CEP68: variants seen among roughly 807,000 people sequenced by gnomAD.
The protein encoded by CEP68 is centrosomal protein of 68 kDa.
CEP68 carries 26 observed loss-of-function variants against 55.3 expected under a neutral mutation model. The ratio of observed to expected loss-of-function variants is 0.47; its 90% CI spans 0.34 to 0.65. The LOEUF (loss-of-function observed/expected upper bound fraction) is 0.65. Among genes scored for constraint, CEP68 ranks in the 30% least tolerant of loss-of-function variants. CEP68 has a pLI of 0.01. For synonymous variants in CEP68, 402 were observed against 383.2 expected, an observed-to-expected ratio of 1.05 and a Z score of -0.57; for missense variants, 957 against 946.7, an observed-to-expected ratio of 1.01 and a Z score of -0.14.
intron 6 of CEP68, 77 bp downstream of exon 6, chr2:65,082,786 G>T: frequency 8.1e-7 from 1 of 1,235,112 alleles, no homozygotes; most frequent in African/African-American, 1.6e-5. Context: ...GAAGCTTGTT[G>T]AGCCAAGAAC....
chr2:65,060,129 A>C (rs1416401687), intron 1 of CEP68, among the ~76,000 whole-genome samples: 3 of 152,364 alleles, frequency 2.0e-5, no homozygotes, highest in African/African-American at 4.8e-5. Flanking sequence ...CAAGGAAGAA[A>C]TTAGCACAAA....
chr2:65,071,167 A>G, intron 2 of CEP68: 3 of 453,290 alleles, frequency 6.6e-6, no homozygotes, highest in Non-Finnish European at 1.2e-5. Context: ...TCAGCATGAC[A>G]GAGCTGTCTG....
rs1214919054 is a variant in CEP68, at chr2:65,072,167, C to T, written c.1071C>T (p.Cys357=). The T allele has an allele frequency of 3.7e-6, 6 of 1,614,104 alleles. No homozygotes were observed. The highest frequency in any genetic ancestry group is 5.1e-6 in the Non-Finnish European group (6 of 1,180,000). ...LKSPTNVSPN[C]PPAEATALPF... ...CACCTACTAATGTCTCCCCCAACTGCCCACCAGCAGAGGCCACTGCCCTGC... is the reference window on the plus strand; with the variant it reads ...CACCTACTAATGTCTCCCCCAACTGTCCACCAGCAGAGGCCACTGCCCTGC... The change falls in exon 3 of 7, where the codon TGC becomes TGT. Residue 357 remains cysteine (C), a synonymous_variant. Transcript: ENST00000377990.
rs1332867826 is a variant in CEP68, at chr2:65,085,553, A to G, written c.*1919A>G. On this transcript the variant is annotated 3_prime_UTR_variant, in exon 7 of 7. Coordinates refer to ENST00000377990, the MANE Select transcript of CEP68 (RefSeq NM_015147.3). ...GCTGGGCACGGTGGCTCATGCCTGT[A>G]ATCCCAGCACTTTGGGAGGCCGAGG... 5 of 152,334 alleles carry G rather than the reference A, an allele frequency of 3.3e-5. No individual in the cohort carries two copies. The highest frequency in any genetic ancestry group is 7.3e-5 in the Non-Finnish European group (5 of 68,154). The allele number at this position is 152,334 out of a possible 1,614,324, so 9.4% of individuals were successfully genotyped here. A position where few individuals can be genotyped will look rare whatever the true frequency, so the allele number is the denominator to read the frequency against.
In CEP68 at chr2:65,069,607, G is replaced by C. The variant is rs755033902; in HGVS notation, c.163G>C (p.Val55Leu). The C allele has an allele frequency of 1.9e-6, 3 of 1,614,126 alleles. No individual in the cohort carries two copies. The highest frequency in any genetic ancestry group is 2.5e-6 in the Non-Finnish European group (3 of 1,180,010). ...AGCTGAGGGAGGGCTCATCTCCCCTGTATGGGGGGCAGAAGGGATACCTGC... is the reference window on the plus strand; with the variant it reads ...AGCTGAGGGAGGGCTCATCTCCCCTCTATGGGGGGCAGAAGGGATACCTGC... ...LEAEGGLISP[V>L]WGAEGIPAPT... The change falls in exon 2 of 7, where the codon GTA becomes CTA. Residue 55 changes from valine (V) to leucine (L), a missense_variant. Transcript: ENST00000377990.
At position 65,086,994 on chromosome 2, in the gene CEP68, A is replaced by T. The variant is rs555788919; in HGVS notation, c.*3360A>T. ...GCCTGTTTAGTGAAAAATAAAAATT[A>T]AAAAAACCTATTCATTTTTGGCTTG... On this transcript the variant is annotated 3_prime_UTR_variant, in exon 7 of 7. Coordinates refer to ENST00000377990, the MANE Select transcript of CEP68 (RefSeq NM_015147.3). 2.6e-5 allele frequency: 4 copies of T among 152,550 alleles called. No individual in the cohort carries two copies. Among genetic ancestry groups the T allele is most frequent in the East Asian group, 1.9e-4 (1 of 5,196 alleles). The allele number at this position is 152,550 out of a possible 1,614,324, so 9.4% of individuals were successfully genotyped here.
In CEP68 at chr2:65,074,413, C is replaced by T. The variant is rs79568756; in HGVS notation, c.2007+9C>T. On this transcript the variant is annotated intron_variant, in intron 4 of 6. Coordinates refer to ENST00000377990, the MANE Select transcript of CEP68 (RefSeq NM_015147.3). ...CTCTGCAGCTTTACCGGGTAATATG[C>T]GGTCCTGGCTCTGGCTTGTTCCCTC... is the stretch of plus-strand genomic sequence containing the variant. 10 of 1,613,914 alleles carry T rather than the reference C, an allele frequency of 6.2e-6. No individual in the cohort carries two copies. Among genetic ancestry groups the T allele is most frequent in the Non-Finnish European group, 5.1e-6 (6 of 1,179,854 alleles).
intron 1 of CEP68, among the ~76,000 whole-genome samples, chr2:65,063,405 C>A (rs1383766332): frequency 6.6e-6 from 1 of 152,198 alleles, no homozygotes; most frequent in African/African-American, 2.4e-5. Flanking sequence ...TGGGAGGCGA[C>A]GGGGGCCTGT....
intron 4 of CEP68, chr2:65,075,166 C>T (rs529555250): frequency 2.0e-5 from 3 of 152,046 alleles, no homozygotes; most frequent in African/African-American, 7.2e-5. Context: ...CTATTAATCC[C>T]AGCACTTTGG....
In CEP68 at chr2:65,084,741, T is replaced by TTTA. The variant is rs1334855826; in HGVS notation, c.*1109_*1111dup. The TTTA allele has an allele frequency of 6.6e-6, 1 of 152,228 alleles. No individual in the cohort carries two copies. The highest frequency in any genetic ancestry group is 1.9e-4 in the East Asian group (1 of 5,198). 9.4% of individuals were successfully genotyped at this position (152,228 alleles called of 1,614,324 possible). A position where few individuals can be genotyped will look rare whatever the true frequency, so the allele number is the denominator to read the frequency against. The stretch of plus-strand genomic sequence containing the variant: ...TTTTCTGCTTCAGAATTTCTGAGAC[T>TTTA]TTATAGTCACTGGAAAATAGCCATT... On this transcript the variant is annotated 3_prime_UTR_variant, in exon 7 of 7. Transcript: ENST00000377990.
chr2:65,062,418 A>G (rs1046477525), intron 1 of CEP68, among the ~76,000 whole-genome samples: 1 of 151,620 alleles, frequency 6.6e-6, no homozygotes, highest in South Asian at 2.1e-4. Flanking sequence ...CTGGAGTCCC[A>G]GCTGCTTTGG....
In CEP68 at chr2:65,072,267, T is replaced by C. The variant is rs1172644337; in HGVS notation, c.1171T>C (p.Leu391=). The part of the protein sequence containing the change: ...RVPQKQGGMG[L]ASWSQLASTP... Reference sequence around the variant, plus strand: ...ACCCCAGAAACAGGGTGGCATGGGCTTGGCATCTTGGAGCCAACTTGCATC... The same window carrying C: ...ACCCCAGAAACAGGGTGGCATGGGCCTGGCATCTTGGAGCCAACTTGCATC... The change falls in exon 3 of 7, where the codon TTG becomes CTG. Residue 391 remains leucine, a synonymous_variant. Coordinates refer to ENST00000377990, the MANE Select transcript of CEP68 (RefSeq NM_015147.3). 6.2e-7 allele frequency: 1 copy of C among 1,614,112 alleles called. No individual in the cohort carries two copies. The highest frequency in any genetic ancestry group is 8.5e-7 in the Non-Finnish European group (1 of 1,180,014).
At chr2:65,056,959 G>T (rs976543386) in intron 1 of CEP68, among the ~76,000 whole-genome samples, 2 of 152,332 alleles carry the variant, frequency 1.3e-5, no homozygotes, top group African/African-American at 2.4e-5. Flanking sequence ...TCCCCAGTCG[G>T]GGCTAATGCA....
At chr2:65,071,210 GAGGA>G in intron 2 of CEP68, 2 of 540,882 alleles carry the variant, frequency 3.7e-6, no homozygotes, top group East Asian at 6.3e-5. Flanking sequence ...GATACCTGTG[GAGGA>G]AGGAAGAACC....
chr2:65,080,290 T>C lies in CEP68; in HGVS notation c.2105-2246T>C, dbSNP rs10496122. On this transcript the variant is annotated intron_variant, in intron 5 of 6. Coordinates refer to ENST00000377990, the MANE Select transcript of CEP68 (RefSeq NM_015147.3). ...TTGGTTTTCAGATATGTATCCAGGC[T>C]CTTTCAGATTGACACACAGCCCTTC... The C allele has an allele frequency of 8.8e-3, 8,666 of 985,250 alleles. 345 individuals are homozygous for C. The East Asian group carries it at 0.22, about 25-fold the overall frequency. The allele number at this position is 985,250 out of a possible 1,614,324, so 61.0% of individuals were successfully genotyped here. A position where few individuals can be genotyped will look rare whatever the true frequency, so the allele number is the denominator to read the frequency against.
rs1668953844 is a variant in CEP68, at chr2:65,084,164, G to C, written c.*530G>C. The stretch of plus-strand genomic sequence containing the variant: ...GATTTTTAACCCTTTGTCTGCAAAA[G>C]AAAAAGGGTTAAATGAAGCATCTAT... On this transcript the variant is annotated 3_prime_UTR_variant, in exon 7 of 7. Coordinates refer to ENST00000377990, the MANE Select transcript of CEP68 (RefSeq NM_015147.3). The C allele has an allele frequency of 6.6e-6, 1 of 152,186 alleles. No individual in the cohort carries two copies. The highest frequency in any genetic ancestry group is 6.5e-5 in the Admixed American group (1 of 15,278). 9.4% of individuals were successfully genotyped at this position (152,186 alleles called of 1,614,324 possible).
At chr2:65,059,873 T>C (rs1390711009) in intron 1 of CEP68, among the ~76,000 whole-genome samples, 1 of 152,202 alleles carries the variant, frequency 6.6e-6, no homozygotes, top group Non-Finnish European at 1.5e-5. Flanking sequence ...CACACTTTGA[T>C]AGTGAAGTGC....
chr2:65,071,700 T>C lies in CEP68; in HGVS notation c.604T>C (p.Ser202Pro), dbSNP rs1214897224. ...TTCCAGCTGCAGCATCTCTGCTTCC[T>C]CCACAGGCAGCAGTCTCCAGGGTCA... ...QPSSCSISAS[S>P]TGSSLQGHQE... The change falls in exon 3 of 7, where the codon TCC becomes CCC. Residue 202 changes from serine to proline, a missense_variant. Transcript: ENST00000377990. 6.2e-7 allele frequency: 1 copy of C among 1,614,070 alleles called. No individual in the cohort carries two copies. Among genetic ancestry groups the C allele is most frequent in the East Asian group, 2.2e-5 (1 of 44,874 alleles).
chr2:65,082,243 C>T (rs1668861360), intron 5 of CEP68, among the ~76,000 whole-genome samples: 1 of 152,188 alleles, frequency 6.6e-6, no homozygotes, highest in Non-Finnish European at 1.5e-5. Context: ...TCAGGTAATA[C>T]CAGCCATCAG....
Sources: gnomAD v4.1 joint callset for allele counts (sites outside exome capture counted in the v4.1 genomes callset) on GRCh38, gnomAD v4.1.1 for gene constraint, MANE v1.5 for transcripts, NCBI Gene and HGNC (gene_info 2026-07-23, HGNC 2026-07-21) for gene names.